DENND5B: variants seen among roughly 807,000 people sequenced by gnomAD.
DENND5B encodes DENN domain-containing protein 5B.
DENND5B carries 34 observed loss-of-function variants against 140.6 expected under a neutral mutation model. The observed-to-expected ratio is 0.24, with a 90% CI of 0.18 to 0.32. DENND5B has a LOEUF of 0.32. DENND5B is among the 10% of genes least tolerant of loss of function. DENND5B has a pLI of 1.00. For missense variants in DENND5B, 1,142 were observed against 1,560.2 expected, an observed-to-expected ratio of 0.73 and a Z score of 4.52; for synonymous variants, 551 against 562.1, an observed-to-expected ratio of 0.98 and a Z score of 0.28.
chr12:31,578,762 G>A (rs939286750), intron 1 of DENND5B, among the ~76,000 whole-genome samples: 1 of 152,200 alleles, frequency 6.6e-6, no homozygotes, highest in Non-Finnish European at 1.5e-5. Flanking sequence ...CTGGTCTGAA[G>A]GACTCAGAGG....
chr12:31,521,510 T>G (rs1289034524), intron 1 of DENND5B, among the ~76,000 whole-genome samples: 2 of 152,118 alleles, frequency 1.3e-5, no homozygotes, highest in Non-Finnish European at 2.9e-5. Context: ...AAAATTATAA[T>G]GAGAAAATTG....
At chr12:31,470,187 T>G (rs1399732375) in intron 3 of DENND5B, among the ~76,000 whole-genome samples, 1 of 142,848 alleles carries the variant, frequency 7.0e-6, no homozygotes, top group African/African-American at 2.6e-5. Context: ...CGATCTCGGC[T>G]CACTGCAGTC....
In DENND5B at chr12:31,447,601, T is replaced by C; in HGVS notation, c.1798A>G (p.Asn600Asp). Residue 600 changes from asparagine (N) to aspartate (D), a missense_variant, in exon 6 of 21, where the codon AAT (asparagine) becomes GAT (aspartate). Physicochemically the swap from Asn to Asp is conservative, Grantham distance 23 (BLOSUM62 1). Transcript: ENST00000389082. Reference sequence around the variant, plus strand: ...GTCCGCAAGGTGGGTGCCCTTACATTATACAGCCTTATCTTATCAATCCGA... The same window carrying C: ...GTCCGCAAGGTGGGTGCCCTTACATCATACAGCCTTATCTTATCAATCCGA... ...DTRIDKIRLY[N>D]VRAPTLRTSI... 1 of 1,614,008 alleles carries C rather than the reference T, an allele frequency of 6.2e-7. No homozygotes were observed. Among genetic ancestry groups the C allele is most frequent in the Non-Finnish European group, 8.5e-7 (1 of 1,179,896 alleles).
chr12:31,534,399 C>T (rs1043324105), intron 1 of DENND5B, among the ~76,000 whole-genome samples: 1 of 151,964 alleles, frequency 6.6e-6, no homozygotes, highest in Non-Finnish European at 1.5e-5. Context: ...AGGCTGGTCT[C>T]GAACTCCTGA....
chr12:31,406,988 T>TGA (rs1942160627), intron 14 of DENND5B, among the ~76,000 whole-genome samples: 1 of 151,622 alleles, frequency 6.6e-6, no homozygotes, highest in Non-Finnish European at 1.5e-5. Context: ...TTGGTAGAGA[T>TGA]GAGGTTTCAC....
Position 31,460,359 on chromosome 12 carries a change from C to T in DENND5B, c.927G>A (p.Val309=), listed in dbSNP as rs1242504605. 1 of 1,613,834 alleles carries T rather than the reference C, an allele frequency of 6.2e-7. No homozygotes were observed. The highest frequency in any genetic ancestry group is 1.3e-5 in the African/African-American group (1 of 75,002). ...YSQDYQRLMT[V]AEGITTLLFP... ...ACAAAAGTGTGGTGATGCCTTCTGC[C>T]ACAGTCATCAGGCGTTGATAATCTG... Residue 309 remains valine, a synonymous_variant, in exon 4 of 21, where the codon GTG becomes GTA. Transcript: ENST00000389082.
intron 3 of DENND5B, among the ~76,000 whole-genome samples, chr12:31,472,434 G>C (rs1324013930): frequency 6.7e-6 from 1 of 149,686 alleles, no homozygotes; most frequent in Non-Finnish European, 1.5e-5. Flanking sequence ...TGGGATTACA[G>C]GGGCACACCA....
intron 7 of DENND5B, among the ~76,000 whole-genome samples, chr12:31,441,225 T>C (rs1944015265): frequency 6.6e-6 from 1 of 152,070 alleles, no homozygotes; most frequent in Non-Finnish European, 1.5e-5. Context: ...GTGCCTTTAG[T>C]TCCAGCTACT....
At chr12:31,456,621 G>C (rs1944790572) in intron 4 of DENND5B, among the ~76,000 whole-genome samples, 1 of 152,198 alleles carries the variant, frequency 6.6e-6, no homozygotes, top group Non-Finnish European at 1.5e-5. Context: ...GAAAGAATAA[G>C]CTCTGAGGAG....
chr12:31,508,977 A>G (rs1233075658), intron 1 of DENND5B, among the ~76,000 whole-genome samples: 2 of 152,156 alleles, frequency 1.3e-5, no homozygotes, highest in East Asian at 3.8e-4. Flanking sequence ...CATTTTAACC[A>G]CTTTTTGAAG....
At chr12:31,521,813 G>A (rs1449044258) in intron 1 of DENND5B, among the ~76,000 whole-genome samples, 1 of 152,104 alleles carries the variant, frequency 6.6e-6, no homozygotes, top group Non-Finnish European at 1.5e-5. Flanking sequence ...GACTACTTCA[G>A]TAGCCTCCTA....
At position 31,501,328 on chromosome 12, in the gene DENND5B, G is replaced by A. The variant is rs558413418; in HGVS notation, c.128-5409C>T. Among the ~76,000 whole-genome samples the A allele has an allele frequency of 1.1e-4, 17 of 152,198 alleles. No individual in the cohort carries two copies. The East Asian group carries it at 2.9e-3, about 26-fold the overall frequency. On this transcript the variant is annotated intron_variant, in intron 1 of 20. Transcript: ENST00000389082. ...GAAGGATGTGTTTACTTCCCCTTCC[G>A]CCACAATTGTAAGTTTCCTGAGGCC...
rs542582674 is a variant in DENND5B, at chr12:31,542,684, G to A, written c.128-46765C>T. ...AATTTTTTAAAAATGGGTAGGGCAC[G>A]GTGGCTCATGCCTGTAATCCCAACA... On this transcript the variant is annotated intron_variant, in intron 1 of 20. Coordinates refer to ENST00000389082, the MANE Select transcript of DENND5B (RefSeq NM_144973.4). 4.0e-3 allele frequency among the ~76,000 whole-genome samples: 613 copies of A among 152,082 alleles called. 5 individuals carry two copies. The highest frequency in any genetic ancestry group is 0.014 in the African/African-American group (574 of 41,470).
chr12:31,551,018 T>C (rs994954600), intron 1 of DENND5B, among the ~76,000 whole-genome samples: 42 of 152,204 alleles, frequency 2.8e-4, no homozygotes, highest in Non-Finnish European at 4.7e-4. Context: ...AGGTTGCCTG[T>C]TCACTCTGAT....
At position 31,383,599 on chromosome 12, in the gene DENND5B, A is replaced by AT. The variant is rs1565525479; in HGVS notation, c.*4003dup. 1 of 152,214 alleles carries AT rather than the reference A, an allele frequency of 6.6e-6. No homozygotes were observed. Among genetic ancestry groups the AT allele is most frequent in the African/African-American group, 2.4e-5 (1 of 41,458 alleles). 9.4% of individuals were successfully genotyped at this position (152,214 alleles called of 1,614,324 possible). A position where few individuals can be genotyped will look rare whatever the true frequency, so the allele number is the denominator to read the frequency against. ...CACTTCTGCAAGGTTGAAGTTTCTC[A>AT]TATCAAATTCTCATTCCCAGTGGAA... On this transcript the variant is annotated 3_prime_UTR_variant, in exon 21 of 21. Transcript: ENST00000389082.
intron 7 of DENND5B, among the ~76,000 whole-genome samples, chr12:31,436,077 G>A (rs1482726615): frequency 1.3e-5 from 2 of 151,702 alleles, no homozygotes; most frequent in Admixed American, 6.6e-5. Context: ...GGGATTACAG[G>A]TGTGTCTGTT....
chr12:31,454,142 CAAAAAAA>C (rs372795117), intron 4 of DENND5B, among the ~76,000 whole-genome samples: 1 of 96,372 alleles, frequency 1.0e-5, no homozygotes, highest in African/African-American at 3.9e-5. Context: ...AGACTTTGGC[CAAAAAAA>C]AAAAAAAAAA....
chr12:31,394,801 G>T (rs1218808803), intron 17 of DENND5B, among the ~76,000 whole-genome samples: 2 of 151,974 alleles, frequency 1.3e-5, no homozygotes, highest in Non-Finnish European at 2.9e-5. Flanking sequence ...TTTTAGTAGA[G>T]ACGGGGTTTC....
intron 7 of DENND5B, among the ~76,000 whole-genome samples, chr12:31,435,112 G>C (rs1002380904): frequency 1.3e-5 from 2 of 151,880 alleles, no homozygotes; most frequent in Non-Finnish European, 2.9e-5. Context: ...CCCAAACCCC[G>C]GATGAAGACT....
Sources: allele counts gnomAD v4.1 joint callset (sites outside exome capture counted in the v4.1 genomes callset), GRCh38; gene constraint gnomAD v4.1.1; transcripts MANE v1.5; gene names NCBI Gene and HGNC (gene_info 2026-07-23, HGNC 2026-07-21).